The following FHIT variants were observed in gnomAD, a reference collection of about 807,000 sequenced individuals.
The protein encoded by FHIT is bis(5'-adenosyl)-triphosphatase.
Under a neutral mutation model 17.9 loss-of-function variants are expected in FHIT, and 19 were observed. The observed-to-expected ratio is 1.06, with a 90% CI of 0.74 to 1.56. The LOEUF (loss-of-function observed/expected upper bound fraction) is 1.56. Among genes scored for constraint, FHIT ranks in the 40% most tolerant of loss-of-function variants. FHIT has a pLI of 0.00. For missense variants in FHIT, 248 were observed against 189.2 expected (o/e 1.31, Z -1.82); for synonymous variants, 81 against 69.7 (o/e 1.16, Z -0.81).
At chr3:60,784,559 T>C (rs1323156377) in intron 4 of FHIT, among the ~76,000 whole-genome samples, 1 of 152,124 alleles carries the variant, frequency 6.6e-6, no homozygotes, top group African/African-American at 2.4e-5. Flanking sequence ...TGATCTTGAA[T>C]GCCTGGCCTC....
At chr3:60,472,132 A>G (rs1171242036) in intron 5 of FHIT, among the ~76,000 whole-genome samples, 2 of 148,230 alleles carry the variant, frequency 1.3e-5, no homozygotes, top group African/African-American at 5.1e-5. Context: ...TAACTGCACT[A>G]GTAGCTCTCA....
At chr3:59,987,023 A>G (rs1575825358) in intron 7 of FHIT, among the ~76,000 whole-genome samples, 1 of 116,922 alleles carries the variant, frequency 8.6e-6, no homozygotes, top group East Asian at 2.4e-4. Context: ...AAAAAAATAA[A>G]AATATAAAAT....
chr3:60,992,971 C>T (rs181739695), intron 3 of FHIT, among the ~76,000 whole-genome samples: 8 of 152,258 alleles, frequency 5.3e-5, no homozygotes, highest in Admixed American at 4.6e-4. Context: ...AGTGACCCAA[C>T]CCACAATGCA....
intron 5 of FHIT, among the ~76,000 whole-genome samples, chr3:60,405,102 C>G (rs186978580): frequency 3.9e-5 from 6 of 152,272 alleles, no homozygotes; most frequent in African/African-American, 1.4e-4. Flanking sequence ...GGGGTAGGTA[C>G]CAGGTGGAAC....
intron 2 of FHIT, among the ~76,000 whole-genome samples, chr3:61,069,179 A>T (rs571341479): frequency 3.9e-5 from 6 of 152,198 alleles, no homozygotes; most frequent in Non-Finnish European, 8.8e-5. Flanking sequence ...GTTCTTGAAA[A>T]TGATAGCCAT....
intron 5 of FHIT, among the ~76,000 whole-genome samples, chr3:60,185,930 G>A (rs1327228424): frequency 2.6e-5 from 4 of 152,070 alleles, no homozygotes; most frequent in Admixed American, 2.0e-4. Flanking sequence ...TCATATGTAC[G>A]TTTTCCATCT....
intron 4 of FHIT, among the ~76,000 whole-genome samples, chr3:60,745,743 T>A (rs557537088): frequency 6.6e-6 from 1 of 152,256 alleles, no homozygotes; most frequent in Non-Finnish European, 1.5e-5. Context: ...CAACCCAATA[T>A]ACCAGAGTCA....
chr3:60,989,656 G>C (rs2030007980), intron 3 of FHIT, among the ~76,000 whole-genome samples: 1 of 152,138 alleles, frequency 6.6e-6, no homozygotes, highest in Non-Finnish European at 1.5e-5. Context: ...CTGTTAACCA[G>C]GAAAACTCTA....
At chr3:59,854,138 A>AAAGTCGTTAGCCCTGT in intron 8 of FHIT, among the ~76,000 whole-genome samples, 1 of 152,356 alleles carries the variant, frequency 6.6e-6, no homozygotes, top group Non-Finnish European at 1.5e-5. Context: ...ATTGGTATCA[A>AAAGTCGTTAGCCCTGT]AAGTCGTTAG....
At chr3:61,207,341 G>C (rs994818967) in intron 1 of FHIT, among the ~76,000 whole-genome samples, 46 of 152,188 alleles carry the variant, frequency 3.0e-4, no homozygotes, top group Non-Finnish European at 5.6e-4. Context: ...CATAAAATGA[G>C]TTAGGGAGGA....
intron 7 of FHIT, among the ~76,000 whole-genome samples, chr3:59,985,371 A>C (rs1486902629): frequency 6.6e-6 from 1 of 152,136 alleles, no homozygotes. Context: ...TATTTGTAAA[A>C]CCTTAGAGTA....
At chr3:59,993,890 G>T (rs1447410079) in intron 7 of FHIT, among the ~76,000 whole-genome samples, 8 of 151,970 alleles carry the variant, frequency 5.3e-5, no homozygotes, top group Non-Finnish European at 1.2e-4. Flanking sequence ...ACTCAATGCT[G>T]GGGAAAATTA....
intron 5 of FHIT, among the ~76,000 whole-genome samples, chr3:60,188,949 A>C (rs1702280044): frequency 6.6e-6 from 1 of 152,156 alleles, no homozygotes; most frequent in African/African-American, 2.4e-5. Flanking sequence ...GAAGGACACT[A>C]ATATGAGCAC....
At position 60,129,845 on chromosome 3, in the gene FHIT, A is replaced by C. The variant is rs78404511; in HGVS notation, c.104-115693T>G. 5.5e-3 allele frequency among the ~76,000 whole-genome samples: 842 copies of C among 152,254 alleles called. 3 individuals are homozygous for C. Among genetic ancestry groups the C allele is most frequent in the Non-Finnish European group, 0.01 (688 of 68,030 alleles). On this transcript the variant is annotated intron_variant, in intron 5 of 9. Transcript: ENST00000492590. ...ATTTTATAGAATATACTGAACTTTTAATTCTTATCTGATTTATCTTCTTAA... is the reference window on the plus strand; with the variant it reads ...ATTTTATAGAATATACTGAACTTTTCATTCTTATCTGATTTATCTTCTTAA...
At chr3:59,991,280 C>T (rs1709221689) in intron 7 of FHIT, among the ~76,000 whole-genome samples, 1 of 152,028 alleles carries the variant, frequency 6.6e-6, no homozygotes, top group African/African-American at 2.4e-5. Context: ...AAACCCAATA[C>T]CATATAGACT....
intron 4 of FHIT, among the ~76,000 whole-genome samples, chr3:60,724,648 T>G (rs935835384): frequency 3.8e-4 from 50 of 130,054 alleles, no homozygotes; most frequent in African/African-American, 5.1e-4. Context: ...TAACTGTCTG[T>G]TTTTTTTTTT....
intron 4 of FHIT, among the ~76,000 whole-genome samples, chr3:60,540,305 A>C (rs2036145080): frequency 1.3e-5 from 2 of 152,174 alleles, no homozygotes; most frequent in African/African-American, 4.8e-5. Context: ...AAACTGGTAA[A>C]CTTAAGTATT....
At chr3:61,179,013 T>TC (rs60690273) in intron 2 of FHIT, among the ~76,000 whole-genome samples, 13,549 of 133,852 alleles carry the variant, frequency 0.1, 663 homozygotes, top group South Asian at 0.18. Flanking sequence ...TTTTTCTTTT[T>TC]TTTTTTTTTT....
intron 3 of FHIT, among the ~76,000 whole-genome samples, chr3:60,901,032 C>T (rs997898779): frequency 6.6e-6 from 1 of 152,142 alleles, no homozygotes; most frequent in Admixed American, 6.5e-5. Flanking sequence ...AAACTTACTT[C>T]TTTGTTTGTC....
Sources: allele counts gnomAD v4.1 joint callset (sites outside exome capture counted in the v4.1 genomes callset), GRCh38; gene constraint gnomAD v4.1.1; transcripts MANE v1.5; gene names NCBI Gene and HGNC (gene_info 2026-07-23, HGNC 2026-07-21).